Variants in ZNF600 observed in about 807,000 individuals in gnomAD.
ZNF600 encodes the protein zinc finger protein 600.
In ZNF600, 4 loss-of-function variants were observed where a neutral mutation model predicts 7.3. The observed-to-expected ratio is 0.55, with a 90% CI of 0.27 to 1.25. ZNF600 has a LOEUF of 1.25. ZNF600 is among the 50% of genes most tolerant of loss of function. The pLI, the probability that ZNF600 is intolerant of heterozygous loss-of-function variation, is 0.12. For synonymous variants in ZNF600, 290 were observed against 308.9 expected (o/e 0.94, Z 0.64); for missense variants, 911 against 922.1 (o/e 0.99, Z 0.16).
At chr19:52,814,634 T>A in the ZNF600 span, among the ~76,000 whole-genome samples, 2 of 144,500 alleles carry the variant, frequency 1.4e-5, no homozygotes, top group Admixed American at 7.0e-5. Context: ...CGCCTGTGAT[T>A]TCAAAACTTT....
At chr19:52,787,944 C>A (rs76538845), upstream of ZNF600, among the ~76,000 whole-genome samples, 61 of 152,058 alleles carry the variant, frequency 4.0e-4, 1 homozygote, top group East Asian at 0.011. Context: ...TACCAGTACA[C>A]AGATACCAGT....
intron 1 of ZNF600, among the ~76,000 whole-genome samples, chr19:52,785,053 T>C (rs1490374257): frequency 1.3e-5 from 2 of 152,158 alleles, no homozygotes; most frequent in Admixed American, 6.5e-5. Flanking sequence ...TCTTCATTAC[T>C]GTGCTTCCCT....
chr19:52,790,850 C>A (rs1463562122), upstream of ZNF600, among the ~76,000 whole-genome samples: 1 of 151,888 alleles, frequency 6.6e-6, no homozygotes, highest in African/African-American at 2.4e-5. Context: ...TCACTCCCAA[C>A]TCATATTTTT....
chr19:52,765,893 T>G (rs147587125), exon 4 of ZNF600: 1 of 1,613,950 alleles, frequency 6.2e-7, no homozygotes, highest in Non-Finnish European at 8.5e-7. Flanking sequence ...GTTGTGATTG[T>G]TGATTAAAAG....
chr19:52,766,972 C>T (rs1288815487), exon 4 of ZNF600: 3 of 1,614,086 alleles, frequency 1.9e-6, no homozygotes, highest in Non-Finnish European at 1.7e-6. Flanking sequence ...TTATGAATTA[C>T]AAGGGCTGAA....
Position 52,776,465 on chromosome 19 carries a change from G to A in ZNF600, c.64-1764C>T, listed in dbSNP as rs548251742. On this transcript the variant is annotated intron_variant, in intron 2 of 3. Transcript: ENST00000648973. ...CTCACTCTATTGCACAGGCTAGAGTGCAGTGGCAGAATCTCAGCTCACTGC... is the reference window on the plus strand; with the variant it reads ...CTCACTCTATTGCACAGGCTAGAGTACAGTGGCAGAATCTCAGCTCACTGC... Among the ~76,000 whole-genome samples, 210 of 151,178 alleles carry A rather than the reference G, an allele frequency of 1.4e-3. 1 individual carries two copies. Among genetic ancestry groups the A allele is most frequent in the African/African-American group, 4.7e-3 (192 of 41,100 alleles).
chr19:52,818,870 TGA>T, the ZNF600 span, among the ~76,000 whole-genome samples: 1 of 120,186 alleles, frequency 8.3e-6, no homozygotes, highest in Non-Finnish European at 1.6e-5. Flanking sequence ...GAGGACAGAA[TGA>T]GAGTCTGTTT....
At chr19:52,819,166 T>C in the ZNF600 span, among the ~76,000 whole-genome samples, 1,455 of 137,578 alleles carry the variant, frequency 0.011, 160 homozygotes, top group African/African-American at 0.04. Context: ...CAGATGAGGG[T>C]AAGCTCCCAG....
At chr19:52,793,065 CAATT>C in the ZNF600 span, among the ~76,000 whole-genome samples, 1 of 150,868 alleles carries the variant, frequency 6.6e-6, no homozygotes, top group Non-Finnish European at 1.5e-5. Flanking sequence ...ACTTTAACGT[CAATT>C]AATGCTCGAA....
At chr19:52,791,836 C>T in the ZNF600 span, among the ~76,000 whole-genome samples, 1 of 152,206 alleles carries the variant, frequency 6.6e-6, no homozygotes, top group African/African-American at 2.4e-5. Context: ...GGACTGATCT[C>T]CCCTTCAGGG....
chr19:52,779,837 T>G (rs1207996993), intron 1 of ZNF600, among the ~76,000 whole-genome samples: 1 of 151,864 alleles, frequency 6.6e-6, no homozygotes, highest in African/African-American at 2.4e-5. Context: ...GGTCAAGAGG[T>G]GGACACCAGC....
At chr19:52,817,209 C>T in the ZNF600 span, among the ~76,000 whole-genome samples, 88,930 of 151,710 alleles carry the variant, frequency 0.59, 27,295 homozygotes, top group Non-Finnish European at 0.69. Context: ...CTCGTCTCTA[C>T]TAAAAATACA....
chr19:52,818,023 A>G, the ZNF600 span: 1 of 1,605,290 alleles, frequency 6.2e-7, no homozygotes. Flanking sequence ...GATTCTTTAG[A>G]AGTCAATCCT....
chr19:52,810,276 TC>T, the ZNF600 span: 1 of 1,433,654 alleles, frequency 7.0e-7, no homozygotes, highest in Non-Finnish European at 9.8e-7. Flanking sequence ...AGTGATCACG[TC>T]CATTGAGGAG....
upstream of ZNF600, among the ~76,000 whole-genome samples, chr19:52,790,364 G>T (rs543662818): frequency 1.3e-5 from 2 of 152,132 alleles, no homozygotes; most frequent in African/African-American, 4.8e-5. Flanking sequence ...AGGTGTGGTG[G>T]TGCACACCTT....
the ZNF600 span, chr19:52,810,056 C>T: frequency 3.5e-5 from 26 of 741,002 alleles, 1 homozygote; most frequent in Admixed American, 5.2e-4. Context: ...GCGCCCCATG[C>T]CTGGGAGCTC....
the ZNF600 span, among the ~76,000 whole-genome samples, chr19:52,794,311 C>T: frequency 6.6e-6 from 1 of 152,250 alleles, no homozygotes; most frequent in Middle Eastern, 3.4e-3. Context: ...ACCTGAGCAT[C>T]ACCCTCTCCT....
exon 4 of ZNF600, chr19:52,765,533 C>A: frequency 6.2e-7 from 1 of 1,610,326 alleles, no homozygotes; most frequent in South Asian, 1.1e-5. Flanking sequence ...TATAGATTCT[C>A]CAATGATTTG....
chr19:52,820,850 G>T, the ZNF600 span, among the ~76,000 whole-genome samples: 1 of 151,916 alleles, frequency 6.6e-6, no homozygotes, highest in South Asian at 2.1e-4. Flanking sequence ...ATCTGTTATG[G>T]GTCTTTCTCA....
Sources: gnomAD v4.1 joint callset for allele counts (sites outside exome capture counted in the v4.1 genomes callset) on GRCh38, gnomAD v4.1.1 for gene constraint, MANE v1.5 for transcripts, NCBI Gene and HGNC (gene_info 2026-07-23, HGNC 2026-07-21) for gene names.